AMZ1: variants seen among roughly 807,000 people sequenced by gnomAD.
AMZ1 encodes archaelysin family metallopeptidase 1, also known as archaemetzincin-1.
AMZ1 carries 39 observed loss-of-function variants against 29.9 expected under a neutral mutation model. The observed-to-expected ratio is 1.30, with a 90% CI of 1.01 to 1.70. The LOEUF is 1.70. AMZ1 is among the 40% of genes most tolerant of loss of function. AMZ1 has a pLI of 0.00. For missense variants in AMZ1, 1,041 were observed against 680.6 expected (o/e 1.53, Z -5.89); for synonymous variants, 458 against 304.0 (o/e 1.51, Z -5.27).
intron 4 of AMZ1, among the ~76,000 whole-genome samples, chr7:2,751,130 G>GT (rs1194973033): frequency 6.6e-6 from 1 of 152,152 alleles, no homozygotes; most frequent in Non-Finnish European, 1.5e-5. Flanking sequence ...GCACACACTT[G>GT]TAACCCCAGC....
Position 2,709,106 on chromosome 7 carries a change from A to AG in AMZ1, c.637dup (p.Glu213GlyfsTer11), listed in dbSNP as rs1162050338. 2 of 1,600,938 alleles carry AG rather than the reference A, an allele frequency of 1.2e-6. No homozygotes were observed. Among genetic ancestry groups the AG allele is most frequent in the East Asian group, 2.3e-5 (1 of 44,420 alleles). ...GCGTCTGCAGCTTCGCCCGGTTCTC[A>AG]GGGGAATTCCCGAAGTCGGGGCCCA... On this transcript the variant is annotated frameshift_variant, in exon 5 of 7. Coordinates refer to ENST00000683327, the MANE Select transcript of AMZ1 (RefSeq NM_001384743.1). LOFTEE classifies it high-confidence loss of function.
intron 4 of AMZ1, among the ~76,000 whole-genome samples, chr7:2,755,453 T>C (rs1791248860): frequency 6.6e-6 from 1 of 152,214 alleles, no homozygotes; most frequent in Non-Finnish European, 1.5e-5. Context: ...AAACAAGTCC[T>C]CTAGATGTTG....
chr7:2,742,445 G>T (rs1032104572), intron 4 of AMZ1, among the ~76,000 whole-genome samples: 2 of 152,148 alleles, frequency 1.3e-5, no homozygotes, highest in Non-Finnish European at 2.9e-5. Context: ...GCTGGTCTGT[G>T]AGTGACATTC....
At position 2,707,385 on chromosome 7, in the gene AMZ1, C is replaced by T. The variant is rs913015586; in HGVS notation, c.473-1203C>T. On this transcript the variant is annotated intron_variant, in intron 3 of 6. Transcript: ENST00000683327. The stretch of plus-strand genomic sequence containing the variant: ...ACACTTCTCCGGTGTGCCTCTGTGC[C>T]GCAACCCCTCTTCTCTACACTAACT... Among the ~76,000 whole-genome samples, 45 of 151,934 alleles carry T rather than the reference C, an allele frequency of 3.0e-4. 2 individuals carry two copies. Among genetic ancestry groups the T allele is most frequent in the African/African-American group, 1.5e-4 (6 of 41,346 alleles).
chr7:2,707,813 G>A lies in AMZ1; in HGVS notation c.473-775G>A, dbSNP rs573036850. ...ACCCAGACCCCCTGCTGCCTCTAAC[G>A]AGGGCTTTTTTTTTTTTTTTTTTTT... is the stretch of plus-strand genomic sequence containing the variant. On this transcript the variant is annotated intron_variant, in intron 3 of 6. Coordinates refer to ENST00000683327, the MANE Select transcript of AMZ1 (RefSeq NM_001384743.1). Among the ~76,000 whole-genome samples the A allele has an allele frequency of 4.0e-3, 552 of 138,942 alleles. 5 individuals are homozygous for A. Among genetic ancestry groups the A allele is most frequent in the African/African-American group, 0.015 (525 of 35,706 alleles). 91.2% of individuals were successfully genotyped at this position (138,942 alleles called of 152,430 possible).
upstream of AMZ1, among the ~76,000 whole-genome samples, chr7:2,684,872 CTTTT>C (rs60735391): frequency 2.3e-5 from 3 of 132,628 alleles, no homozygotes; most frequent in African/African-American, 6.0e-5. Flanking sequence ...CACATAATTG[CTTTT>C]TTTTTTTTTT....
At chr7:2,719,744 G>C (rs1255428091), downstream of AMZ1, among the ~76,000 whole-genome samples, 3 of 150,036 alleles carry the variant, frequency 2.0e-5, no homozygotes, top group Admixed American at 6.6e-5. Context: ...GCAATGGTGT[G>C]ATCTTGGCTC....
At position 2,709,853 on chromosome 7, in the gene AMZ1, C is replaced by T. The variant is rs201929124; in HGVS notation, c.948+37C>T. ...AGTTGCGCTGCCCGGCTGCTGGGAC[C>T]TGCGCTCCGGAGGCCCGCGAGCGCC... On this transcript the variant is annotated intron_variant, in intron 6 of 6. Coordinates refer to ENST00000683327, the MANE Select transcript of AMZ1 (RefSeq NM_001384743.1). 113 of 1,604,160 alleles carry T rather than the reference C, an allele frequency of 7.0e-5. No homozygotes were observed. In the East Asian group the frequency reaches 2.4e-3, roughly 34 times the overall value.
chr7:2,733,513 G>T (rs770003194), intron 4 of AMZ1: 1 of 1,610,606 alleles, frequency 6.2e-7, no homozygotes, highest in Non-Finnish European at 8.5e-7. Context: ...TGTCAGGAAG[G>T]AAGAATATTC....
intron 3 of AMZ1, among the ~76,000 whole-genome samples, chr7:2,707,241 C>T (rs935828961): frequency 2.6e-5 from 4 of 151,170 alleles, no homozygotes; most frequent in African/African-American, 7.3e-5. Context: ...AGCGCCACTA[C>T]ACTGCAGCCT....
At chr7:2,743,602 A>G (rs758688529) in intron 4 of AMZ1, among the ~76,000 whole-genome samples, 21 of 152,326 alleles carry the variant, frequency 1.4e-4, no homozygotes, top group Admixed American at 2.6e-4. Flanking sequence ...TACAGCTCCC[A>G]GCGTGAGCAA....
rs798562 is a variant in AMZ1 at position 2,718,304 on chromosome 7, C to T, written c.*5426C>T. ...TCTCTCTCAGGCAGGGTGCTCTGCC[C>T]GCCACAGTGTGCCTGGTTTTCTGGA... On this transcript the variant is annotated 3_prime_UTR_variant, in exon 7 of 7. Coordinates refer to ENST00000683327, the MANE Select transcript of AMZ1 (RefSeq NM_001384743.1). Among the ~76,000 whole-genome samples the T allele has an allele frequency of 0.25, 37,953 of 152,134 alleles. 5,245 individuals are homozygous for T. The highest frequency in any genetic ancestry group is 0.29 in the Non-Finnish European group (19,883 of 67,966).
At chr7:2,694,177 C>T (rs1374006822) in intron 1 of AMZ1, among the ~76,000 whole-genome samples, 1 of 152,186 alleles carries the variant, frequency 6.6e-6, no homozygotes, top group African/African-American at 2.4e-5. Flanking sequence ...CTGCCCTCCC[C>T]AAGTGGCTGG....
Position 2,717,619 on chromosome 7 carries a change from T to TAAAC in AMZ1, c.*4743_*4746dup, listed in dbSNP as rs1200447380. 2.6e-5 allele frequency among the ~76,000 whole-genome samples: 4 copies of TAAAC among 152,170 alleles called. No individual in the cohort carries two copies. Among genetic ancestry groups the TAAAC allele is most frequent in the Non-Finnish European group, 5.9e-5 (4 of 68,024 alleles). On this transcript the variant is annotated 3_prime_UTR_variant, in exon 7 of 7. Transcript: ENST00000683327. ...TCTTGGAACACGAGGCTGTCAAAGA[T>TAAAC]AAACACCGCAGGGTAATCTAGGAAA...
chr7:2,730,515 G>A (rs1204958923), intron 4 of AMZ1: 1 of 152,468 alleles, frequency 6.6e-6, no homozygotes, highest in Non-Finnish European at 1.5e-5. Flanking sequence ...CGTCCTCAGA[G>A]CTGGGAAGGG....
rs1789107092 is a variant in AMZ1 at position 2,716,095 on chromosome 7, A to C, written c.*3217A>C. ...ATGGAGCTAAAAATAGTTTCAGGTC[A>C]TGACAGATGTTATCTGTATTGCTGT... is the stretch of plus-strand genomic sequence containing the variant. On this transcript the variant is annotated 3_prime_UTR_variant, in exon 7 of 7. Transcript: ENST00000683327. 2 of 152,226 alleles carry C rather than the reference A, an allele frequency of 1.3e-5. No individual in the cohort carries two copies. The highest frequency in any genetic ancestry group is 4.1e-4 in the South Asian group (2 of 4,822). 9.4% of individuals were successfully genotyped at this position (152,226 alleles called of 1,614,324 possible).
upstream of AMZ1, among the ~76,000 whole-genome samples, chr7:2,760,958 C>T (rs970861195): frequency 6.6e-6 from 1 of 152,216 alleles, no homozygotes; most frequent in African/African-American, 2.4e-5. Context: ...CCTGTCCTTC[C>T]CACAGTCTTG....
At position 2,731,918 on chromosome 7, in the gene AMZ1, A is replaced by G. The variant is rs1442817910; in HGVS notation, n.550+22102A>G. 6.6e-6 allele frequency among the ~76,000 whole-genome samples: 1 copy of G among 152,224 alleles called. No homozygotes were observed. Among genetic ancestry groups the G allele is most frequent in the Non-Finnish European group, 1.5e-5 (1 of 68,044 alleles). ...TTATAACATTATCAACTGGCCGTGA[A>G]ACAGAAAGAATCAAATACTTCATTT... On this transcript the variant is annotated intron_variant and non_coding_transcript_variant, in intron 4 of 4. Transcript: ENST00000489665. The surrounding 1 kb of genome is among the most constrained non-coding windows in gnomAD (Gnocchi z 6.0).
At chr7:2,704,656 G>A (rs1382564055) in intron 3 of AMZ1, among the ~76,000 whole-genome samples, 2 of 140,592 alleles carry the variant, frequency 1.4e-5, no homozygotes, top group Admixed American at 7.3e-5. Flanking sequence ...GAGTGCAGTG[G>A]CATGATCTTG....
Sources: allele counts gnomAD v4.1 joint callset (sites outside exome capture counted in the v4.1 genomes callset), GRCh38; gene constraint gnomAD v4.1.1; non-coding constraint Gnocchi (gnomAD v3.1); transcripts MANE v1.5; gene names NCBI Gene and HGNC (gene_info 2026-07-23, HGNC 2026-07-21).